ADARB2: variants seen among roughly 807,000 people sequenced by gnomAD.
The protein encoded by ADARB2 is adenosine deaminase RNA specific B2 (inactive).
ADARB2 carries 25 observed loss-of-function variants against 62.2 expected under a neutral mutation model. The observed-to-expected ratio is 0.40, with a 90% CI of 0.29 to 0.56. The LOEUF (loss-of-function observed/expected upper bound fraction) is 0.56. Among genes scored for constraint, ADARB2 ranks in the 20% least tolerant of loss-of-function variants. The pLI is 0.43. For missense variants in ADARB2, 1,071 were observed against 1,077.4 expected, an observed-to-expected ratio of 0.99 and a Z score of 0.08; for synonymous variants, 572 against 500.8, an observed-to-expected ratio of 1.14 and a Z score of -1.90.
chr10:1,188,616 C>CTTTT (rs11389648), intron 8 of ADARB2, among the ~76,000 whole-genome samples: 23 of 142,422 alleles, frequency 1.6e-4, no homozygotes, highest in African/African-American at 5.7e-4. Flanking sequence ...ACCTTCTTGT[C>CTTTT]TTTTTTTTTT....
intron 3 of ADARB2, among the ~76,000 whole-genome samples, chr10:1,345,464 G>A (rs988339121): frequency 1.3e-4 from 20 of 152,236 alleles, no homozygotes; most frequent in African/African-American, 4.6e-4. Flanking sequence ...GGACACACCA[G>A]GACCTTTTCG....
chr10:1,556,561 C>T (rs1832706723), intron 1 of ADARB2: 2 of 405,902 alleles, frequency 4.9e-6, no homozygotes, highest in Non-Finnish European at 1.0e-5. Flanking sequence ...ATTTCGACTC[C>T]ATGGTCTGGG....
chr10:1,359,405 G>A (rs1385318254), intron 3 of ADARB2, among the ~76,000 whole-genome samples: 3 of 152,212 alleles, frequency 2.0e-5, no homozygotes, highest in African/African-American at 4.8e-5. Context: ...AGATGAGTCT[G>A]ATCCTGAGAA....
chr10:1,590,615 A>T (rs932891885), intron 1 of ADARB2, among the ~76,000 whole-genome samples: 1 of 152,008 alleles, frequency 6.6e-6, no homozygotes, highest in Non-Finnish European at 1.5e-5. Flanking sequence ...ACCGGAAAAA[A>T]CCATGTGCTT....
intron 6 of ADARB2, among the ~76,000 whole-genome samples, chr10:1,225,373 A>G (rs1282086019): frequency 6.6e-6 from 1 of 152,126 alleles, no homozygotes; most frequent in East Asian, 1.9e-4. Context: ...CCAATTTGCC[A>G]GTCTGTGCCT....
At chr10:1,494,010 T>A (rs2131933649) in intron 1 of ADARB2, among the ~76,000 whole-genome samples, 1 of 152,170 alleles carries the variant, frequency 6.6e-6, no homozygotes, top group East Asian at 1.9e-4. Context: ...TGCCTCGGCC[T>A]CCCAAAGTGC....
At chr10:1,420,884 C>T (rs1347499098) in intron 1 of ADARB2, among the ~76,000 whole-genome samples, 1 of 152,174 alleles carries the variant, frequency 6.6e-6, no homozygotes, top group African/African-American at 2.4e-5. Flanking sequence ...ATTGCACACA[C>T]CCCGGAGCAA....
chr10:1,599,677 G>A (rs1345249820), intron 1 of ADARB2, among the ~76,000 whole-genome samples: 3 of 152,194 alleles, frequency 2.0e-5, no homozygotes, highest in African/African-American at 7.2e-5. Context: ...GAGGGGTTTA[G>A]GAAAAAATTC....
At chr10:1,674,051 G>C (rs1175250946) in intron 1 of ADARB2, among the ~76,000 whole-genome samples, 1 of 152,258 alleles carries the variant, frequency 6.6e-6, no homozygotes, top group Non-Finnish European at 1.5e-5. Context: ...ACAGGAGAAG[G>C]TTTAGCTGCT....
At chr10:1,260,404 C>G (rs1051313397) in intron 4 of ADARB2, among the ~76,000 whole-genome samples, 3 of 151,758 alleles carry the variant, frequency 2.0e-5, no homozygotes, top group Admixed American at 6.6e-5. Flanking sequence ...TAGAAAACCC[C>G]ATTGTCTCAG....
chr10:1,471,411 A>G (rs1434100104), intron 1 of ADARB2, among the ~76,000 whole-genome samples: 1 of 150,886 alleles, frequency 6.6e-6, no homozygotes, highest in East Asian at 1.9e-4. Flanking sequence ...TTTTTTTGAG[A>G]TGGAGTTTCG....
Position 1,657,626 on chromosome 10 carries a change from C to T in ADARB2, c.100+79425G>A, listed in dbSNP as rs115913346. On this transcript the variant is annotated intron_variant, in intron 1 of 9. Coordinates refer to ENST00000381312, the MANE Select transcript of ADARB2 (RefSeq NM_018702.4). Reference sequence around the variant, plus strand: ...AAGGCAGCATCTCCTGTGCTGCAGGCGGTTACCAAGTAACAGACCTCAGAA... The same window carrying T: ...AAGGCAGCATCTCCTGTGCTGCAGGTGGTTACCAAGTAACAGACCTCAGAA... 7.0e-3 allele frequency among the ~76,000 whole-genome samples: 1,062 copies of T among 152,250 alleles called. 14 individuals are homozygous for T. The highest frequency in any genetic ancestry group is 0.024 in the African/African-American group (992 of 41,538).
At chr10:1,453,805 C>T (rs1831065963) in intron 1 of ADARB2, among the ~76,000 whole-genome samples, 1 of 152,198 alleles carries the variant, frequency 6.6e-6, no homozygotes, top group Non-Finnish European at 1.5e-5. Flanking sequence ...GAGTTACCGC[C>T]TCATACCCAC....
chr10:1,510,462 G>A (rs1831922813), intron 1 of ADARB2, among the ~76,000 whole-genome samples: 1 of 152,130 alleles, frequency 6.6e-6, no homozygotes, highest in South Asian at 2.1e-4. Flanking sequence ...GATGACAAGG[G>A]TGAGCCACTG....
intron 3 of ADARB2, chr10:1,290,938 G>A (rs1831460744): frequency 6.6e-6 from 1 of 152,136 alleles, no homozygotes; most frequent in Non-Finnish European, 1.5e-5. Flanking sequence ...GTTTAATTAG[G>A]ATCTTTAAAT....
intron 2 of ADARB2, among the ~76,000 whole-genome samples, chr10:1,370,276 CA>C (rs56357912): frequency 0.79 from 120,188 of 152,092 alleles, 51,127 homozygotes; most frequent in Non-Finnish European, 0.94. Flanking sequence ...AAACTGTCAA[CA>C]AACTAGGCAT....
chr10:1,586,194 T>A (rs1833178445), intron 1 of ADARB2, among the ~76,000 whole-genome samples: 1 of 152,216 alleles, frequency 6.6e-6, no homozygotes, highest in African/African-American at 2.4e-5. Flanking sequence ...GTCTCAGGTA[T>A]TTTCTGTTCA....
intron 1 of ADARB2, among the ~76,000 whole-genome samples, chr10:1,677,178 G>A (rs17294054): frequency 0.054 from 8,249 of 152,350 alleles, 271 homozygotes; most frequent in Middle Eastern, 0.078. Context: ...TTCAGACCAA[G>A]ATAACTGTTT....
In ADARB2 at chr10:1,363,387, G is replaced by C. The variant is rs1832280171; in HGVS notation, c.718C>G (p.Arg240Gly). Residue 240 changes from arginine to glycine, a missense_variant, in exon 3 of 10, where the codon CGC (arginine) becomes GGC (glycine). By Grantham distance (125) the Arg-to-Gly change is moderately radical (BLOSUM62 -2). Coordinates refer to ENST00000381312, the MANE Select transcript of ADARB2 (RefSeq NM_018702.4). ...GACAGAAGCGCGGCGTCCCCGGGGC[G>C]GCCTCCCGCGAGTCCGGGGCGCGGC... is the stretch of plus-strand genomic sequence containing the variant. ...PAPRPGLAGGRPGDAALLSAA... is the reference protein window; with the variant it reads ...PAPRPGLAGGGPGDAALLSAA... 7.5e-7 allele frequency: 1 copy of C among 1,330,238 alleles called. No homozygotes were observed. Among genetic ancestry groups the C allele is most frequent in the Non-Finnish European group, 9.6e-7 (1 of 1,038,740 alleles). The allele number at this position is 1,330,238 out of a possible 1,614,324, so 82.4% of individuals were successfully genotyped here.
Sources: gnomAD v4.1 joint callset for allele counts (sites outside exome capture counted in the v4.1 genomes callset) on GRCh38, gnomAD v4.1.1 for gene constraint, MANE v1.5 for transcripts, NCBI Gene and HGNC (gene_info 2026-07-23, HGNC 2026-07-21) for gene names.